DNAH3: variants seen among roughly 807,000 people sequenced by gnomAD.
DNAH3 encodes axonemal beta dynein heavy chain 3.
DNAH3 carries 332 observed loss-of-function variants against 432.5 expected under a neutral mutation model. The observed-to-expected ratio is 0.77, with a 90% CI of 0.70 to 0.84. DNAH3 has a LOEUF of 0.84. DNAH3 is among the 40% of genes least tolerant of loss of function. DNAH3 has a pLI of 0.00. For synonymous variants in DNAH3, 1,956 were observed against 1,900.2 expected (o/e 1.03, Z -0.76); for missense variants, 4,861 against 5,114.0 (o/e 0.95, Z 1.51).
intron 53 of DNAH3, 28 bp downstream of exon 53, chr16:20,963,256 C>T (rs766926721): frequency 5.0e-6 from 8 of 1,597,432 alleles, no homozygotes; most frequent in Admixed American, 3.4e-5. Context: ...GGGCTTTCCA[C>T]GTCTCTCCCA....
chr16:21,077,146 G>T (rs1413983783), intron 20 of DNAH3, among the ~76,000 whole-genome samples: 1 of 150,538 alleles, frequency 6.6e-6, no homozygotes. Context: ...TGCCTTATTT[G>T]CCCATATTCT....
intron 50 of DNAH3, among the ~76,000 whole-genome samples, chr16:20,977,142 A>G (rs1461297185): frequency 6.6e-6 from 1 of 152,146 alleles, no homozygotes; most frequent in Non-Finnish European, 1.5e-5. Context: ...TGGGAGGCTG[A>G]GGTGGGCAGA....
At chr16:21,033,952 A>C in intron 36 of DNAH3, 22 bp downstream of exon 36, 1 of 1,560,524 alleles carries the variant, frequency 6.4e-7, no homozygotes, top group Non-Finnish European at 8.8e-7. Flanking sequence ...TCCTCCCTGG[A>C]AGCCAGGGAT....
chr16:20,963,275 T>G lies in DNAH3; in HGVS notation c.10600+9A>C. ...TTTCCACGTCTCTCCCACAACACTC[T>G]GTTCTTACCTGCCATTGGGTCTGCA... is the stretch of plus-strand genomic sequence containing the variant. On this transcript the variant is annotated intron_variant, in intron 53 of 61. Transcript: ENST00000261383. The G allele has an allele frequency of 6.2e-7, 1 of 1,610,366 alleles. No homozygotes were observed. Among genetic ancestry groups the G allele is most frequent in the Non-Finnish European group, 8.5e-7 (1 of 1,177,642 alleles).
chr16:20,964,488 T>G (rs2084961915), exon 53 of DNAH3: 19 of 1,614,218 alleles, frequency 1.2e-5, no homozygotes, highest in Non-Finnish European at 1.6e-5. Context: ...CATCCAGCTC[T>G]TCTCCAATGT....
chr16:20,936,563 C>G (rs759169251), intron 60 of DNAH3, 86 bp downstream of exon 60: 3 of 1,231,140 alleles, frequency 2.4e-6, no homozygotes, highest in Non-Finnish European at 3.4e-6. Flanking sequence ...TGCCCTCCTC[C>G]CCCTGCCTCT....
At chr16:21,075,618 A>C (rs903235822) in intron 20 of DNAH3, 57 bp from the exon 21 acceptor site, 117 of 1,366,784 alleles carry the variant, frequency 8.6e-5, no homozygotes, top group Non-Finnish European at 1.1e-4. Context: ...GACACATCAA[A>C]GGAGGAACTT....
exon 56 of DNAH3, chr16:20,952,499 A>G: frequency 6.2e-7 from 1 of 1,613,652 alleles, no homozygotes; most frequent in East Asian, 2.2e-5. Context: ...TGGATCTGCC[A>G]CATACTAATC....
At chr16:20,945,602 T>G (rs1016382436) in intron 57 of DNAH3, among the ~76,000 whole-genome samples, 1 of 152,088 alleles carries the variant, frequency 6.6e-6, no homozygotes, top group African/African-American at 2.4e-5. Flanking sequence ...GCAATTCTAC[T>G]GCCTCAGCCT....
intron 41 of DNAH3, among the ~76,000 whole-genome samples, chr16:21,012,025 G>T (rs1226661375): frequency 1.3e-5 from 2 of 152,170 alleles, no homozygotes; most frequent in Non-Finnish European, 2.9e-5. Context: ...AAGTGTTGGA[G>T]CCAGGATCCG....
intron 13 of DNAH3, 76 bp from the exon 14 acceptor site, chr16:21,111,880 C>A (rs2092082469): frequency 1.3e-6 from 2 of 1,569,942 alleles, no homozygotes; most frequent in Non-Finnish European, 1.7e-6. Context: ...AACCCCTGGC[C>A]AACCCTAGTC....
intron 23 of DNAH3, among the ~76,000 whole-genome samples, chr16:21,068,099 C>G (rs762111849): frequency 4.6e-5 from 7 of 152,144 alleles, no homozygotes; most frequent in Non-Finnish European, 7.4e-5. Context: ...TGCTTTGCAG[C>G]AAAATCTTTT....
intron 4 of DNAH3, 22 bp downstream of exon 5, chr16:21,141,278 G>A (rs1218692996): frequency 3.2e-6 from 5 of 1,560,096 alleles, no homozygotes; most frequent in Non-Finnish European, 4.4e-6. Context: ...TGCCTTCTCT[G>A]GTGCCCACAG....
chr16:21,077,453 A>C (rs537890892), intron 20 of DNAH3, among the ~76,000 whole-genome samples: 37 of 152,218 alleles, frequency 2.4e-4, no homozygotes, highest in South Asian at 1.9e-3. Context: ...GTGAGCCACC[A>C]TGCCCGGCCA....
At position 21,148,438 on chromosome 16, in the gene DNAH3, A is replaced by T. The variant is rs7192085; in HGVS notation, c.118-2350T>A. On this transcript the variant is annotated intron_variant, in intron 1 of 61. Transcript: ENST00000261383. The stretch of plus-strand genomic sequence containing the variant: ...TGACTTATTTATTATTATTATTATT[A>T]TTTATTTTTTTTTTTTGAGTCCAAG... 4.1e-3 allele frequency among the ~76,000 whole-genome samples: 584 copies of T among 142,466 alleles called. 6 individuals are homozygous for T. The highest frequency in any genetic ancestry group is 0.015 in the African/African-American group (556 of 37,762). The allele number at this position is 142,466 out of a possible 152,430, so 93.5% of individuals were successfully genotyped here. A position where few individuals can be genotyped will look rare whatever the true frequency, so the allele number is the denominator to read the frequency against.
At chr16:21,040,408 A>G (rs550288561) in intron 32 of DNAH3, among the ~76,000 whole-genome samples, 115 of 119,930 alleles carry the variant, frequency 9.6e-4, no homozygotes, top group African/African-American at 3.8e-3. Context: ...TCTGTCACCC[A>G]GGCTGGAGGG....
At chr16:21,026,798 G>A (rs987085774) in intron 38 of DNAH3, among the ~76,000 whole-genome samples, 3 of 151,498 alleles carry the variant, frequency 2.0e-5, no homozygotes, top group Non-Finnish European at 2.9e-5. Context: ...TGATTAACTG[G>A]GTGACTAAAC....
At chr16:21,021,639 G>A (rs2088227995) in intron 40 of DNAH3, among the ~76,000 whole-genome samples, 2 of 152,176 alleles carry the variant, frequency 1.3e-5, no homozygotes, top group African/African-American at 4.8e-5. Flanking sequence ...CCCAGGCGCT[G>A]TGGCTTATGC....
chr16:21,146,303 C>T (rs1234511549), intron 1 of DNAH3, among the ~76,000 whole-genome samples: 1 of 152,106 alleles, frequency 6.6e-6, no homozygotes, highest in Non-Finnish European at 1.5e-5. Context: ...CCCCGGTAAT[C>T]CCACCAGTTT....
Sources: allele counts gnomAD v4.1 joint callset (sites outside exome capture counted in the v4.1 genomes callset), GRCh38; gene constraint gnomAD v4.1.1; transcripts MANE v1.5; gene names NCBI Gene and HGNC (gene_info 2026-07-23, HGNC 2026-07-21).